Variants in CCDC7 observed in about 807,000 individuals in gnomAD.
CCDC7 encodes the protein coiled-coil domain-containing protein 7.
CCDC7 carries 183 observed loss-of-function variants against 196.9 expected under a neutral mutation model. The observed-to-expected ratio is 0.93, with a 90% CI of 0.82 to 1.05. The LOEUF is 1.05. CCDC7 is among the 50% of genes least tolerant of loss of function. The pLI is 0.00. For missense variants in CCDC7, 1,540 were observed against 1,482.2 expected, an observed-to-expected ratio of 1.04 and a Z score of -0.64; for synonymous variants, 525 against 484.6, an observed-to-expected ratio of 1.08 and a Z score of -1.10.
chr10:32,818,307 A>G (rs1441122621), intron 31 of CCDC7, among the ~76,000 whole-genome samples: 1 of 152,228 alleles, frequency 6.6e-6, no homozygotes, highest in East Asian at 1.9e-4. Flanking sequence ...ATATATATGC[A>G]CCCAATACAG....
intron 28 of CCDC7, among the ~76,000 whole-genome samples, chr10:32,752,871 AT>A (rs200465438): frequency 1.3e-5 from 2 of 151,724 alleles, no homozygotes; most frequent in East Asian, 1.9e-4. Flanking sequence ...TTATTATGTA[AT>A]TTTTTTTCCT....
chr10:32,654,325 G>A (rs2069352655), intron 20 of CCDC7, among the ~76,000 whole-genome samples: 2 of 152,052 alleles, frequency 1.3e-5, no homozygotes, highest in African/African-American at 2.4e-5. Context: ...TTCAGGGAGA[G>A]TTTTTATTAA....
chr10:32,685,060 C>T (rs1462834041), intron 21 of CCDC7, among the ~76,000 whole-genome samples: 3 of 152,036 alleles, frequency 2.0e-5, no homozygotes, highest in Non-Finnish European at 2.9e-5. Flanking sequence ...AGTTCACCCT[C>T]CTTCATCTTG....
chr10:32,541,213 C>T (rs2136103938), intron 11 of CCDC7, among the ~76,000 whole-genome samples: 1 of 152,268 alleles, frequency 6.6e-6, no homozygotes, highest in African/African-American at 2.4e-5. Context: ...CTCTAGCAGG[C>T]ATGGCTCACC....
At chr10:32,555,615 G>C (rs1427922121) in intron 13 of CCDC7, among the ~76,000 whole-genome samples, 1 of 152,136 alleles carries the variant, frequency 6.6e-6, no homozygotes, top group Non-Finnish European at 1.5e-5. Flanking sequence ...TCATAGGTAA[G>C]AGTAGCATGC....
At chr10:32,517,228 A>G (rs1208336135) in intron 9 of CCDC7, among the ~76,000 whole-genome samples, 4 of 152,188 alleles carry the variant, frequency 2.6e-5, no homozygotes, top group Non-Finnish European at 5.9e-5. Flanking sequence ...TGGAATAATC[A>G]TTAGCGCTTA....
At chr10:32,480,061 T>C (rs531870262) in intron 8 of CCDC7, among the ~76,000 whole-genome samples, 14 of 152,216 alleles carry the variant, frequency 9.2e-5, no homozygotes, top group African/African-American at 2.9e-4. Context: ...TCTTCTTTCT[T>C]TTCCAATGTT....
At chr10:32,873,120 T>C (rs2094488180) in intron 41 of CCDC7, among the ~76,000 whole-genome samples, 1 of 152,162 alleles carries the variant, frequency 6.6e-6, no homozygotes, top group Non-Finnish European at 1.5e-5. Flanking sequence ...CTGGATAATA[T>C]CCTGCTGAGT....
At chr10:32,807,211 A>C (rs1405260176) in intron 30 of CCDC7, among the ~76,000 whole-genome samples, 3 of 152,212 alleles carry the variant, frequency 2.0e-5, no homozygotes, top group Non-Finnish European at 4.4e-5. Context: ...TAACTCTGAA[A>C]GACCATATAA....
chr10:32,824,600 C>T, exon 32 of CCDC7: 1 of 1,603,350 alleles, frequency 6.2e-7, no homozygotes, highest in Non-Finnish European at 8.5e-7. Context: ...GAAAGAGTTA[C>T]CCTGGTAAGA....
At chr10:32,698,375 T>G (rs1020827071) in intron 24 of CCDC7, among the ~76,000 whole-genome samples, 1 of 152,126 alleles carries the variant, frequency 6.6e-6, no homozygotes, top group Non-Finnish European at 1.5e-5. Flanking sequence ...AGAAGTAGAC[T>G]TCAGAAGATC....
chr10:32,733,520 A>G (rs2084342263), intron 28 of CCDC7, among the ~76,000 whole-genome samples: 1 of 152,134 alleles, frequency 6.6e-6, no homozygotes, highest in Non-Finnish European at 1.5e-5. Context: ...AATTTTCAAT[A>G]TCATTGATGT....
At chr10:32,449,883 A>C (rs1388649323), upstream of CCDC7, among the ~76,000 whole-genome samples, 1 of 152,220 alleles carries the variant, frequency 6.6e-6, no homozygotes, top group Non-Finnish European at 1.5e-5. Flanking sequence ...GAGGACACAG[A>C]GAGTAGGCAA....
chr10:32,495,825 T>G (rs1356616594), intron 9 of CCDC7, among the ~76,000 whole-genome samples: 1 of 152,212 alleles, frequency 6.6e-6, no homozygotes, highest in Non-Finnish European at 1.5e-5. Flanking sequence ...CCAGGTAGCA[T>G]GATGCCTCCA....
At chr10:32,725,997 C>A (rs1031844482) in intron 25 of CCDC7, among the ~76,000 whole-genome samples, 1 of 152,122 alleles carries the variant, frequency 6.6e-6, no homozygotes, top group Non-Finnish European at 1.5e-5. Context: ...CTGCCACATT[C>A]CTTCTCTTTG....
At chr10:32,487,488 C>T (rs370935283) in intron 8 of CCDC7, among the ~76,000 whole-genome samples, 150 of 152,330 alleles carry the variant, frequency 9.8e-4, no homozygotes, top group African/African-American at 3.3e-3. Context: ...CTCAACTCGT[C>T]GAAGTCATTC....
At chr10:32,743,356 C>T (rs2074114492) in intron 28 of CCDC7, among the ~76,000 whole-genome samples, 1 of 152,096 alleles carries the variant, frequency 6.6e-6, no homozygotes, top group Non-Finnish European at 1.5e-5. Flanking sequence ...CTGTAGGTTA[C>T]CTGTTCACTC....
At chr10:32,849,057 C>T (rs2093428637) in intron 39 of CCDC7, among the ~76,000 whole-genome samples, 1 of 149,508 alleles carries the variant, frequency 6.7e-6, no homozygotes, top group South Asian at 2.1e-4. Context: ...CATCAGCAAT[C>T]TTTAGGGAAA....
chr10:32,822,613 C>G (rs1485144554), intron 31 of CCDC7, among the ~76,000 whole-genome samples: 1 of 151,858 alleles, frequency 6.6e-6, no homozygotes, highest in Non-Finnish European at 1.5e-5. Context: ...AGCACAAAAA[C>G]TGGGGAAAGA....
Sources: gnomAD v4.1 joint callset for allele counts (sites outside exome capture counted in the v4.1 genomes callset) on GRCh38, gnomAD v4.1.1 for gene constraint, MANE v1.5 for transcripts, NCBI Gene and HGNC (gene_info 2026-07-23, HGNC 2026-07-21) for gene names.